LMO1: variants seen among roughly 807,000 people sequenced by gnomAD.
LMO1 encodes the protein LIM domain only 1, also known as rhombotin-1.
Under a neutral mutation model 18.0 loss-of-function variants are expected in LMO1, and 10 were observed. The observed-to-expected ratio is 0.55, with a 90% CI of 0.34 to 0.94. LMO1 has a LOEUF of 0.94. Among genes scored for constraint, LMO1 ranks in the 40% least tolerant of loss-of-function variants. LMO1 has a pLI of 0.02. For synonymous variants in LMO1, 77 were observed against 77.9 expected (o/e 0.99, Z 0.06); for missense variants, 183 against 205.7 (o/e 0.89, Z 0.68).
At chr11:8,264,756 C>A (rs986727241), upstream of LMO1, among the ~76,000 whole-genome samples, 4 of 152,108 alleles carry the variant, frequency 2.6e-5, no homozygotes, top group South Asian at 8.3e-4. Flanking sequence ...CTCAGCCTTC[C>A]GAGTAGCTGG....
At chr11:8,254,095 T>C (rs1464669907) in intron 1 of LMO1, among the ~76,000 whole-genome samples, 1 of 152,130 alleles carries the variant, frequency 6.6e-6, no homozygotes, top group Non-Finnish European at 1.5e-5. Context: ...AGAGGAAAAT[T>C]ATACTGTGAG....
At chr11:8,262,744 GCTCT>G (rs1847207634) in intron 1 of LMO1, among the ~76,000 whole-genome samples, 1 of 152,168 alleles carries the variant, frequency 6.6e-6, no homozygotes, top group African/African-American at 2.4e-5. Context: ...ACAAGAGGCG[GCTCT>G]CTTTCTCACC....
At position 8,263,509 on chromosome 11, in the gene LMO1, G is replaced by GAATTGCA. The variant is rs371800268; in HGVS notation, c.-148_-147insTGCAATT. 175 of 1,432,070 alleles carry GAATTGCA rather than the reference G, an allele frequency of 1.2e-4. 1 individual carries two copies. In the East Asian group the frequency reaches 4.9e-3, roughly 40 times the overall value. The allele number at this position is 1,432,070 out of a possible 1,614,324, so 88.7% of individuals were successfully genotyped here. ...CGGCTCTTAACCTAGATTGCACTCA[G>GAATTGCA]CTAGAATTACATTCAGGAGTGAAGC... On this transcript the variant is annotated 5_prime_UTR_variant, in exon 1 of 4. Coordinates refer to ENST00000335790, the MANE Select transcript of LMO1 (RefSeq NM_002315.3).
intron 1 of LMO1, among the ~76,000 whole-genome samples, chr11:8,255,336 A>T (rs992945610): frequency 6.6e-6 from 1 of 152,114 alleles, no homozygotes; most frequent in Non-Finnish European, 1.5e-5. Flanking sequence ...ATGAAATCTC[A>T]TCTCTACAAA....
At chr11:8,256,698 T>C (rs996994256) in intron 1 of LMO1, among the ~76,000 whole-genome samples, 1 of 48,210 alleles carries the variant, frequency 2.1e-5, no homozygotes, top group Non-Finnish European at 6.3e-5. Flanking sequence ...GAGCATGGCC[T>C]GGAATGGCCT....
chr11:8,226,842 A>G, intron 3 of LMO1, 133 bp downstream of exon 3: 1 of 1,419,670 alleles, frequency 7.0e-7, no homozygotes, highest in Non-Finnish European at 9.2e-7. Flanking sequence ...CACGCTCATA[A>G]CCTGCACGCA....
rs61879676 is a variant in LMO1 at position 8,229,151 on chromosome 11, G to A, written c.239+1140C>T. Among the ~76,000 whole-genome samples the A allele has an allele frequency of 5.1e-3, 775 of 152,180 alleles. 4 individuals carry two copies. The highest frequency in any genetic ancestry group is 8.9e-3 in the Non-Finnish European group (602 of 67,996). On this transcript the variant is annotated intron_variant, in intron 2 of 3. Coordinates refer to ENST00000335790, the MANE Select transcript of LMO1 (RefSeq NM_002315.3). ...GACGTGCCTGCCTCGGCCTCCCAAA[G>A]TGCTGGAGTTACAGGCATAAGCCAC...
chr11:8,257,579 A>C (rs1040758625), intron 1 of LMO1, among the ~76,000 whole-genome samples: 1 of 152,272 alleles, frequency 6.6e-6, no homozygotes, highest in African/African-American at 2.4e-5. Flanking sequence ...CTAGGGCAGA[A>C]GGCATGGCAA....
chr11:8,267,474 G>C (rs1175717934), upstream of LMO1, among the ~76,000 whole-genome samples: 7 of 152,150 alleles, frequency 4.6e-5, no homozygotes, highest in Non-Finnish European at 1.0e-4. Flanking sequence ...CCAGCACTTC[G>C]TCCTTCAGGC....
At chr11:8,257,968 C>T (rs1046485813) in intron 1 of LMO1, among the ~76,000 whole-genome samples, 9 of 152,226 alleles carry the variant, frequency 5.9e-5, no homozygotes, top group Admixed American at 6.5e-5. Context: ...ATGGACAGTA[C>T]CTCACTTAAT....
intron 1 of LMO1, among the ~76,000 whole-genome samples, chr11:8,260,422 A>G (rs1847166600): frequency 6.6e-6 from 1 of 152,134 alleles, no homozygotes; most frequent in African/African-American, 2.4e-5. Flanking sequence ...TAAAGTGGAG[A>G]TGGCTAGGCC....
intron 1 of LMO1, among the ~76,000 whole-genome samples, chr11:8,260,263 C>A (rs776365702): frequency 2.0e-5 from 3 of 152,130 alleles, no homozygotes; most frequent in Non-Finnish European, 2.9e-5. Flanking sequence ...GGGATTTTAA[C>A]CCTCCCAAAA....
chr11:8,239,755 C>T (rs1328533534), intron 1 of LMO1, among the ~76,000 whole-genome samples: 2 of 152,186 alleles, frequency 1.3e-5, no homozygotes, highest in Non-Finnish European at 2.9e-5. Flanking sequence ...TCCAGCAATG[C>T]TTGTCTGCTC....
chr11:8,226,943 G>A (rs1335461011), intron 3 of LMO1, 32 bp downstream of exon 3: 4 of 1,593,364 alleles, frequency 2.5e-6, no homozygotes, highest in Non-Finnish European at 3.4e-6. Context: ...GGCGTCTGGG[G>A]AGTGTGTTGG....
intron 2 of LMO1, among the ~76,000 whole-genome samples, chr11:8,229,414 T>A (rs911057386): frequency 4.6e-5 from 7 of 152,182 alleles, no homozygotes; most frequent in Non-Finnish European, 7.4e-5. Flanking sequence ...CATGAAGCCC[T>A]TGCCCCGACC....
At chr11:8,227,233 G>C in intron 2 of LMO1, 133 bp from the exon 3 acceptor site, 1 of 1,426,360 alleles carries the variant, frequency 7.0e-7, no homozygotes, top group Non-Finnish European at 9.4e-7. Flanking sequence ...TCAGGCAATA[G>C]GATAAGAGCA....
intron 1 of LMO1, among the ~76,000 whole-genome samples, chr11:8,250,050 T>C (rs963870494): frequency 2.2e-4 from 33 of 152,312 alleles, no homozygotes; most frequent in African/African-American, 7.0e-4. Context: ...CCCCATTTTT[T>C]TTTTATTTTT....
chr11:8,224,816 C>T, intron 3 of LMO1, 95 bp from the exon 4 acceptor site: 1 of 793,952 alleles, frequency 1.3e-6, no homozygotes. Flanking sequence ...ATGAGGTGAG[C>T]TATGTGGGAG....
At chr11:8,233,205 A>G (rs1471448906) in intron 1 of LMO1, among the ~76,000 whole-genome samples, 3 of 152,158 alleles carry the variant, frequency 2.0e-5, no homozygotes, top group Non-Finnish European at 2.9e-5. Context: ...CCACCAAGAC[A>G]TGGAACACCA....
Sources: gnomAD v4.1 joint callset for allele counts (sites outside exome capture counted in the v4.1 genomes callset) on GRCh38, gnomAD v4.1.1 for gene constraint, MANE v1.5 for transcripts, NCBI Gene and HGNC (gene_info 2026-07-23, HGNC 2026-07-21) for gene names.